The following CNTN1 variants were observed in gnomAD, a reference collection of about 807,000 sequenced individuals.
The protein encoded by CNTN1 is contactin 1.
Under a neutral mutation model 126.4 loss-of-function variants are expected in CNTN1, and 38 were observed. The observed-to-expected ratio is 0.30, with a 90% CI of 0.23 to 0.39. The LOEUF (loss-of-function observed/expected upper bound fraction) is 0.39. Among genes scored for constraint, CNTN1 ranks in the 10% least tolerant of loss-of-function variants. CNTN1 has a pLI of 1.00. For synonymous variants in CNTN1, 413 were observed against 422.6 expected (o/e 0.98, Z 0.28); for missense variants, 1,009 against 1,248.4 (o/e 0.81, Z 2.89).
rs561403371 is a variant in CNTN1, at chr12:40,983,731, C to CTA, written c.1963+2675_1963+2676dup. Among the ~76,000 whole-genome samples the CTA allele has an allele frequency of 4.4e-3, 645 of 147,038 alleles. 5 individuals are homozygous for CTA. Among genetic ancestry groups the CTA allele is most frequent in the African/African-American group, 0.013 (544 of 40,482 alleles). ...CTTCCTCTTTTGTGCTATTACAGTA[C>CTA]TATATATATATACTATATATTATAT... On this transcript the variant is annotated intron_variant, in intron 16 of 23. Coordinates refer to ENST00000551295, the MANE Select transcript of CNTN1 (RefSeq NM_001843.4).
At chr12:40,917,072 G>GC (rs1307596024) in intron 3 of CNTN1, among the ~76,000 whole-genome samples, 1 of 124,762 alleles carries the variant, frequency 8.0e-6, no homozygotes, top group Non-Finnish European at 1.7e-5. Flanking sequence ...GGGGGGGGGG[G>GC]CAGAACTAAC....
Position 40,809,849 on chromosome 12 carries a change from C to CAT in CNTN1, c.-76-98507_-76-98506insTA, listed in dbSNP as rs1306559063. On this transcript the variant is annotated intron_variant, in intron 1 of 23. Coordinates refer to ENST00000551295, the MANE Select transcript of CNTN1 (RefSeq NM_001843.4). Reference sequence around the variant, plus strand: ...ACACACACACACACACACACACACACAAAAGTCAAAACTCATTTGTAAATG... The same window carrying CAT: ...ACACACACACACACACACACACACACATAAAAGTCAAAACTCATTTGTAAATG... 8.8e-3 allele frequency among the ~76,000 whole-genome samples: 1,250 copies of CAT among 142,032 alleles called. 19 individuals are homozygous for CAT. Among genetic ancestry groups the CAT allele is most frequent in the African/African-American group, 0.029 (1,143 of 39,190 alleles). The allele number at this position is 142,032 out of a possible 152,430, so 93.2% of individuals were successfully genotyped here.
intron 1 of CNTN1, among the ~76,000 whole-genome samples, chr12:40,874,105 C>T (rs937359898): frequency 6.6e-6 from 1 of 152,090 alleles, no homozygotes; most frequent in Non-Finnish European, 1.5e-5. Context: ...CAAATCCCAG[C>T]TCTACCATTC....
chr12:40,807,275 T>C (rs1351720938), intron 1 of CNTN1, among the ~76,000 whole-genome samples: 2 of 152,036 alleles, frequency 1.3e-5, no homozygotes, highest in Non-Finnish European at 2.9e-5. Context: ...ATCATATAAA[T>C]GGTTCCCTCA....
intron 1 of CNTN1, among the ~76,000 whole-genome samples, chr12:40,749,640 T>A (rs1255826127): frequency 7.0e-6 from 1 of 143,218 alleles, no homozygotes; most frequent in Non-Finnish European, 1.6e-5. Flanking sequence ...TTTTATTTTT[T>A]TTTTCATTTA....
intron 23 of CNTN1, among the ~76,000 whole-genome samples, chr12:41,043,996 T>C (rs1262811220): frequency 1.1e-5 from 1 of 91,216 alleles, no homozygotes; most frequent in Non-Finnish European, 2.1e-5. Flanking sequence ...CTGGGGACTG[T>C]TGTGGGGTGG....
chr12:40,846,923 A>G (rs10431586), intron 1 of CNTN1, among the ~76,000 whole-genome samples: 65,428 of 151,750 alleles, frequency 0.43, 14,424 homozygotes, highest in East Asian at 0.7. Context: ...GCTGGAGTGC[A>G]GTGGTGCGAT....
intron 1 of CNTN1, among the ~76,000 whole-genome samples, chr12:40,835,703 C>T (rs1942022342): frequency 6.6e-6 from 1 of 151,856 alleles, no homozygotes; most frequent in Non-Finnish European, 1.5e-5. Context: ...ATATTCTTTT[C>T]AAGTGAATTT....
intron 1 of CNTN1, among the ~76,000 whole-genome samples, chr12:40,893,443 C>T (rs1944307810): frequency 6.6e-6 from 1 of 152,066 alleles, no homozygotes; most frequent in Admixed American, 6.6e-5. Context: ...TTCTAAGAAA[C>T]TGCAGCTATT....
At chr12:40,733,268 CT>C (rs544031139) in intron 1 of CNTN1, among the ~76,000 whole-genome samples, 87 of 151,960 alleles carry the variant, frequency 5.7e-4, no homozygotes, top group African/African-American at 1.9e-3. Flanking sequence ...CTGAATAAGG[CT>C]ATATTTTTTT....
intron 23 of CNTN1, among the ~76,000 whole-genome samples, chr12:41,041,374 T>A (rs1008612891): frequency 2.6e-5 from 4 of 152,120 alleles, no homozygotes; most frequent in African/African-American, 4.8e-5. Flanking sequence ...GTCTAAAATT[T>A]TCTTTTTTGG....
At chr12:40,759,524 G>A (rs961445937) in intron 1 of CNTN1, among the ~76,000 whole-genome samples, 4 of 150,302 alleles carry the variant, frequency 2.7e-5, no homozygotes, top group East Asian at 2.0e-4. Flanking sequence ...GGAATGCGGT[G>A]AAATGCTTAT....
Position 40,940,773 on chromosome 12 carries a change from T to C in CNTN1, c.1379+1288T>C, listed in dbSNP as rs773147907. On this transcript the variant is annotated intron_variant, in intron 12 of 23. Coordinates refer to ENST00000551295, the MANE Select transcript of CNTN1 (RefSeq NM_001843.4). The stretch of plus-strand genomic sequence containing the variant: ...CACTGACTTTTAAAGTTAATATGTT[T>C]GACCTCAGGGTTGTTAAGATTTTAA... Among the ~76,000 whole-genome samples, 38 of 152,168 alleles carry C rather than the reference T, an allele frequency of 2.5e-4. 1 individual carries two copies. Among genetic ancestry groups the C allele is most frequent in the Admixed American group, 1.5e-3 (23 of 15,260 alleles).
At chr12:40,934,403 C>T (rs1041874703) in intron 9 of CNTN1, among the ~76,000 whole-genome samples, 1 of 150,748 alleles carries the variant, frequency 6.6e-6, no homozygotes, top group Non-Finnish European at 1.5e-5. Context: ...TGGAGTCACA[C>T]TTTGAGAACC....
At chr12:40,970,792 T>A (rs1947481652) in intron 15 of CNTN1, among the ~76,000 whole-genome samples, 1 of 152,194 alleles carries the variant, frequency 6.6e-6, no homozygotes, top group Non-Finnish European at 1.5e-5. Context: ...CCACTTTGCC[T>A]ACCTAACCTA....
chr12:40,888,793 T>C (rs1026958813), intron 1 of CNTN1, among the ~76,000 whole-genome samples: 3 of 152,120 alleles, frequency 2.0e-5, no homozygotes, highest in Admixed American at 2.0e-4. Flanking sequence ...GAGTTAAGAG[T>C]CTAACAAGCT....
At chr12:40,972,180 C>T in intron 15 of CNTN1, 1 of 985,328 alleles carries the variant, frequency 1.0e-6, no homozygotes. Flanking sequence ...ATGACTAAGC[C>T]ATTAACAGCA....
At chr12:41,042,972 T>C (rs976636886) in intron 23 of CNTN1, among the ~76,000 whole-genome samples, 1 of 152,206 alleles carries the variant, frequency 6.6e-6, no homozygotes, top group African/African-American at 2.4e-5. Flanking sequence ...ACTGGATCCC[T>C]TCTTTACACC....
intron 15 of CNTN1, among the ~76,000 whole-genome samples, chr12:40,975,872 G>A (rs1014006145): frequency 6.6e-6 from 1 of 152,144 alleles, no homozygotes; most frequent in Non-Finnish European, 1.5e-5. Flanking sequence ...AGCACAATTA[G>A]TGGTATCCAC....
Sources: gnomAD v4.1 joint callset for allele counts (sites outside exome capture counted in the v4.1 genomes callset) on GRCh38, gnomAD v4.1.1 for gene constraint, MANE v1.5 for transcripts, NCBI Gene and HGNC (gene_info 2026-07-23, HGNC 2026-07-21) for gene names.